CELF2: variants seen among roughly 807,000 people sequenced by gnomAD.
CELF2 encodes the protein CUG triplet repeat RNA-binding protein 2.
Under a neutral mutation model 62.6 loss-of-function variants are expected in CELF2, and 8 were observed. The observed-to-expected ratio is 0.13, with a 90% CI of 0.07 to 0.23. The LOEUF is 0.23. Ranked by LOEUF, CELF2 falls within the 10% of genes least tolerant of loss-of-function variation. The pLI is 1.00. For missense variants in CELF2, 333 were observed against 671.0 expected (o/e 0.50, Z 5.56); for synonymous variants, 258 against 250.0 (o/e 1.03, Z -0.30).
At chr10:10,561,764 C>A in the CELF2 span, among the ~76,000 whole-genome samples, 2 of 152,234 alleles carry the variant, frequency 1.3e-5, no homozygotes, top group South Asian at 4.2e-4. Context: ...TGAGATCCTC[C>A]CACCCCACCC....
At chr10:10,768,378 G>A in the CELF2 span, among the ~76,000 whole-genome samples, 1 of 152,008 alleles carries the variant, frequency 6.6e-6, no homozygotes, top group Admixed American at 6.6e-5. Context: ...CGTGTTCGCA[G>A]GTTACAGCCC....
intron 1 of CELF2, among the ~76,000 whole-genome samples, chr10:11,108,436 C>T (rs1006031965): frequency 2.6e-5 from 4 of 151,742 alleles, no homozygotes; most frequent in South Asian, 2.1e-4. Flanking sequence ...CTGACTGCTG[C>T]GTGGGTCCTA....
chr10:10,839,501 C>T (rs2058536758), intron 1 of CELF2, among the ~76,000 whole-genome samples: 1 of 152,190 alleles, frequency 6.6e-6, no homozygotes, highest in African/African-American at 2.4e-5. Context: ...CATACCTACA[C>T]CCCATTAAGA....
chr10:10,788,886 G>A, the CELF2 span: 5 of 152,260 alleles, frequency 3.3e-5, no homozygotes, highest in Admixed American at 3.3e-4. Flanking sequence ...ATTGGAGCTG[G>A]GTTAGGGCCC....
At chr10:11,303,879 C>T (rs1320210917) in intron 9 of CELF2, among the ~76,000 whole-genome samples, 1 of 152,216 alleles carries the variant, frequency 6.6e-6, no homozygotes, top group Non-Finnish European at 1.5e-5. Flanking sequence ...TGACCTTCCG[C>T]ACGCGACTTC....
At chr10:10,818,826 C>T (rs1340030356) in intron 1 of CELF2, among the ~76,000 whole-genome samples, 2 of 152,170 alleles carry the variant, frequency 1.3e-5, no homozygotes, top group African/African-American at 2.4e-5. Context: ...AATCTGCCTG[C>T]CTCGGCCTCC....
At chr10:10,572,507 C>G in the CELF2 span, among the ~76,000 whole-genome samples, 1 of 152,008 alleles carries the variant, frequency 6.6e-6, no homozygotes, top group African/African-American at 2.4e-5. Flanking sequence ...CTCCCTCCCC[C>G]ACCCCACCTC....
chr10:10,726,746 T>G, the CELF2 span, among the ~76,000 whole-genome samples: 1 of 152,238 alleles, frequency 6.6e-6, no homozygotes, highest in Non-Finnish European at 1.5e-5. Flanking sequence ...TTTAATCCTT[T>G]AGTATTAAGA....
chr10:10,767,549 C>T, the CELF2 span, among the ~76,000 whole-genome samples: 3 of 151,890 alleles, frequency 2.0e-5, no homozygotes, highest in African/African-American at 7.3e-5. Context: ...AGGGTGTGAC[C>T]AGAGAAAGAG....
chr10:10,478,154 T>C, the CELF2 span, among the ~76,000 whole-genome samples: 20 of 152,296 alleles, frequency 1.3e-4, no homozygotes, highest in African/African-American at 4.6e-4. Context: ...AATTAGGTTA[T>C]GTGGCACAAA....
intron 1 of CELF2, among the ~76,000 whole-genome samples, chr10:11,043,709 C>A (rs1266202750): frequency 6.6e-6 from 1 of 152,180 alleles, no homozygotes; most frequent in Non-Finnish European, 1.5e-5. Flanking sequence ...GTTCCGCGTT[C>A]CACCTGCAGT....
At chr10:10,689,254 G>A in the CELF2 span, among the ~76,000 whole-genome samples, 1 of 152,086 alleles carries the variant, frequency 6.6e-6, no homozygotes, top group Non-Finnish European at 1.5e-5. Flanking sequence ...GGGAAGCAAG[G>A]ACCTTCTTCA....
chr10:11,319,698 C>T lies in CELF2; in HGVS notation c.1097-1491C>T. On this transcript the variant is annotated intron_variant, in intron 10 of 12. Coordinates refer to ENST00000633077, the MANE Select transcript of CELF2 (RefSeq NM_001326342.2). This position sits in a 1 kb window ranked among gnomAD's most constrained non-coding sequence, Gnocchi z 4.4. Reference sequence around the variant, plus strand: ...CGCCATTCACACTCGTCTCGCCACCCCTGCTTGGTGTCTGTTCTGAGAAGC... The same window carrying T: ...CGCCATTCACACTCGTCTCGCCACCTCTGCTTGGTGTCTGTTCTGAGAAGC... The T allele has an allele frequency of 2.2e-6, 1 of 451,136 alleles. No homozygotes were observed. Among genetic ancestry groups the T allele is most frequent in the South Asian group, 1.7e-5 (1 of 60,382 alleles). 27.9% of individuals were successfully genotyped at this position (451,136 alleles called of 1,614,324 possible). A position where few individuals can be genotyped will look rare whatever the true frequency, so the allele number is the denominator to read the frequency against.
intron 1 of CELF2, among the ~76,000 whole-genome samples, chr10:10,838,869 G>A (rs2058485088): frequency 6.6e-6 from 1 of 152,138 alleles, no homozygotes. Flanking sequence ...GCCGGGCACA[G>A]TGGCTCACAC....
intron 3 of CELF2, among the ~76,000 whole-genome samples, chr10:11,226,018 T>C (rs2066409812): frequency 6.6e-6 from 1 of 152,180 alleles, no homozygotes; most frequent in Non-Finnish European, 1.5e-5. Context: ...ACTGCCCAGT[T>C]GGGTTGGCCT....
rs540968224 is a variant in CELF2 at position 11,145,364 on chromosome 10, G to A, written c.75-20122G>A. ...TGCAGGAGTGTCAGGATTCAGGAGC[G>A]TCTCTGAAAGGTGCTTTGTGCTGAC... On this transcript the variant is annotated intron_variant, in intron 1 of 12. Coordinates refer to ENST00000633077, the MANE Select transcript of CELF2 (RefSeq NM_001326342.2). This position sits in a 1 kb window ranked among gnomAD's most constrained non-coding sequence, Gnocchi z 4.3. 1.1e-4 allele frequency among the ~76,000 whole-genome samples: 16 copies of A among 152,298 alleles called. 1 individual carries two copies. Among genetic ancestry groups the A allele is most frequent in the Middle Eastern group, 3.4e-3 (1 of 294 alleles).
chr10:10,472,685 T>C, the CELF2 span, among the ~76,000 whole-genome samples: 1 of 151,970 alleles, frequency 6.6e-6, no homozygotes, highest in African/African-American at 2.4e-5. Flanking sequence ...ATGAATTCTG[T>C]AATCGTCTGA....
At chr10:11,238,107 T>C (rs371220181) in intron 3 of CELF2, among the ~76,000 whole-genome samples, 9 of 152,210 alleles carry the variant, frequency 5.9e-5, no homozygotes, top group South Asian at 2.1e-4. Context: ...AGAATGAGTA[T>C]TGGAGCGCCC....
chr10:11,189,566 A>G (rs2075820501), intron 2 of CELF2, among the ~76,000 whole-genome samples: 2 of 151,488 alleles, frequency 1.3e-5, no homozygotes. Flanking sequence ...CCTCTTTGCT[A>G]CTCTTTACGG....
Sources: allele counts gnomAD v4.1 joint callset (sites outside exome capture counted in the v4.1 genomes callset), GRCh38; gene constraint gnomAD v4.1.1; non-coding constraint Gnocchi (gnomAD v3.1); transcripts MANE v1.5; gene names NCBI Gene and HGNC (gene_info 2026-07-23, HGNC 2026-07-21).